HS3ST3A1: variants seen among roughly 807,000 people sequenced by gnomAD.
HS3ST3A1 encodes heparan sulfate-glucosamine 3-sulfotransferase 3A1, also known as heparan sulfate glucosamine 3-O-sulfotransferase 3A1.
Under a neutral mutation model 25.7 loss-of-function variants are expected in HS3ST3A1, and 19 were observed. That is an observed-to-expected ratio of 0.74 (90% CI 0.52 to 1.08). The LOEUF (loss-of-function observed/expected upper bound fraction) is 1.08. Among genes scored for constraint, HS3ST3A1 ranks in the 50% least tolerant of loss-of-function variants. HS3ST3A1 has a pLI of 0.00. For synonymous variants in HS3ST3A1, 226 were observed against 278.6 expected, an observed-to-expected ratio of 0.81 and a Z score of 1.88; for missense variants, 459 against 594.3, an observed-to-expected ratio of 0.77 and a Z score of 2.37.
chr17:13,590,551 T>C (rs750204062), intron 1 of HS3ST3A1, among the ~76,000 whole-genome samples: 4 of 152,200 alleles, frequency 2.6e-5, no homozygotes, highest in Non-Finnish European at 5.9e-5. Context: ...ACAATCTTTA[T>C]CTTTCAGATA....
rs1185799039 is a variant in HS3ST3A1, at chr17:13,496,426, C to T, written c.992G>A (p.Gly331Asp). The change falls in exon 2 of 2, where the codon GGC (glycine) becomes GAC (aspartate). Residue 331 changes from glycine (G) to aspartate (D), a missense_variant. Transcript: ENST00000284110. ...CTTGTCCGTGATGATCCTCTTGAGG[C>T]CCAGGAAGTCTTGCACGCGGCCCAG... ...GELGRVQDFL[G>D]LKRIITDKHF... The T allele has an allele frequency of 2.2e-6, 3 of 1,351,578 alleles. No individual in the cohort carries two copies. The highest frequency in any genetic ancestry group is 4.9e-5 in the East Asian group (2 of 41,212). The allele number at this position is 1,351,578 out of a possible 1,614,324, so 83.7% of individuals were successfully genotyped here.
chr17:13,574,355 G>A (rs1056510111), intron 1 of HS3ST3A1, among the ~76,000 whole-genome samples: 23 of 151,030 alleles, frequency 1.5e-4, no homozygotes, highest in Admixed American at 7.2e-4. Context: ...AGATGGTCTC[G>A]AACTCCTGAC....
chr17:13,496,021 C>T lies in HS3ST3A1; in HGVS notation c.*176G>A. On this transcript the variant is annotated 3_prime_UTR_variant, in exon 2 of 2. Transcript: ENST00000284110. ...GAAATTTTCCTTTTCTGTTGATCCA[C>T]GTGTTTGGTGTTGGTTATACATTAA... 12 of 730,736 alleles carry T rather than the reference C, an allele frequency of 1.6e-5. 1 individual carries two copies. Among genetic ancestry groups the T allele is most frequent in the Non-Finnish European group, 2.5e-5 (12 of 484,932 alleles). 45.3% of individuals were successfully genotyped at this position (730,736 alleles called of 1,614,324 possible).
intron 1 of HS3ST3A1, among the ~76,000 whole-genome samples, chr17:13,536,218 G>T (rs1906765864): frequency 6.6e-6 from 1 of 151,972 alleles, no homozygotes; most frequent in Non-Finnish European, 1.5e-5. Context: ...TTTTCAAAGA[G>T]ATAAACCTGA....
chr17:13,529,415 A>C (rs1026682351), intron 1 of HS3ST3A1, among the ~76,000 whole-genome samples: 1 of 152,208 alleles, frequency 6.6e-6, no homozygotes, highest in Admixed American at 6.5e-5. Flanking sequence ...AAGACCATCC[A>C]TCCTAAGGAA....
intron 1 of HS3ST3A1, among the ~76,000 whole-genome samples, chr17:13,504,337 T>G (rs2142297446): frequency 1.2e-5 from 1 of 86,368 alleles, no homozygotes; most frequent in Non-Finnish European, 2.5e-5. Context: ...ACAAAAAACC[T>G]GTGGGTGAAC....
chr17:13,527,100 C>G (rs1906455647), intron 1 of HS3ST3A1, among the ~76,000 whole-genome samples: 1 of 152,118 alleles, frequency 6.6e-6, no homozygotes, highest in African/African-American at 2.4e-5. Context: ...TTCCTCAAGC[C>G]CCAAGAGCTG....
chr17:13,582,588 A>G (rs1343841081), intron 1 of HS3ST3A1, among the ~76,000 whole-genome samples: 1 of 152,242 alleles, frequency 6.6e-6, no homozygotes, highest in Non-Finnish European at 1.5e-5. Flanking sequence ...TAATCTGTCC[A>G]CTGATGTGGT....
At chr17:13,578,037 C>G (rs1236672322) in intron 1 of HS3ST3A1, among the ~76,000 whole-genome samples, 1 of 152,088 alleles carries the variant, frequency 6.6e-6, no homozygotes, top group Non-Finnish European at 1.5e-5. Flanking sequence ...TATCACTTTA[C>G]TCAGCCATTT....
chr17:13,573,254 G>A (rs566075522), intron 1 of HS3ST3A1, among the ~76,000 whole-genome samples: 37 of 152,210 alleles, frequency 2.4e-4, no homozygotes, highest in African/African-American at 8.9e-4. Flanking sequence ...CCCACAGGAA[G>A]GCTTCTTCCA....
chr17:13,599,254 TG>T (rs1009983841), intron 1 of HS3ST3A1, among the ~76,000 whole-genome samples: 3 of 152,216 alleles, frequency 2.0e-5, no homozygotes, highest in Non-Finnish European at 4.4e-5. Context: ...TTCCAACAAA[TG>T]GAAAGTTACT....
intron 1 of HS3ST3A1, among the ~76,000 whole-genome samples, chr17:13,579,109 ATT>A (rs1226905366): frequency 1.3e-5 from 2 of 152,132 alleles, no homozygotes; most frequent in African/African-American, 4.8e-5. Context: ...TTTTAATGAA[ATT>A]TTTTGTCTTT....
chr17:13,571,790 C>T (rs925267937), intron 1 of HS3ST3A1, among the ~76,000 whole-genome samples: 5 of 152,170 alleles, frequency 3.3e-5, no homozygotes, highest in African/African-American at 4.8e-5. Flanking sequence ...GGTGGAGTCA[C>T]ACTCCGTTGC....
Position 13,600,995 on chromosome 17 carries a change from G to A in HS3ST3A1, c.135C>T (p.Arg45=), listed in dbSNP as rs756361157. The change falls in exon 1 of 2, where the codon CGC becomes CGT. Residue 45 remains arginine (R), a synonymous_variant. Transcript: ENST00000284110. ...CGACGGGGCCGGACAGGGTCTGGCA[G>A]CGCTCGGCCAGGCAGTAGAAGACGT... The part of the protein sequence containing the change: ...SLYVFYCLAE[R]CQTLSGPVVG... 2.2e-5 allele frequency: 35 copies of A among 1,574,734 alleles called. No individual in the cohort carries two copies. The East Asian group carries it at 5.9e-4, about 26-fold the overall frequency.
At position 13,496,771 on chromosome 17, in the gene HS3ST3A1, G is replaced by A. The variant is rs948840702; in HGVS notation, c.647C>T (p.Thr216Met). ...TLDGQITMEK[T>M]PSYFVTREAP... ...CTCCCGCGTGACGAAGTAACTGGGC[G>A]TCTTCTCCATGGTGATCTGCCCGTC... is the stretch of plus-strand genomic sequence containing the variant. Residue 216 changes from threonine (T) to methionine (M), a missense_variant, in exon 2 of 2, where the codon ACG becomes ATG. Thr to Met is a moderately conservative substitution (Grantham distance 81). Coordinates refer to ENST00000284110, the MANE Select transcript of HS3ST3A1 (RefSeq NM_006042.3). 3.1e-6 allele frequency: 5 copies of A among 1,613,912 alleles called. No individual in the cohort carries two copies. The highest frequency in any genetic ancestry group is 2.2e-5 in the East Asian group (1 of 44,888).
intron 1 of HS3ST3A1, among the ~76,000 whole-genome samples, chr17:13,595,526 T>C (rs1908549702): frequency 6.6e-6 from 1 of 152,168 alleles, no homozygotes; most frequent in African/African-American, 2.4e-5. Flanking sequence ...CCTTATAAAA[T>C]GCAAAGATGA....
chr17:13,599,754 T>C (rs1329688292), intron 1 of HS3ST3A1, among the ~76,000 whole-genome samples: 1 of 152,262 alleles, frequency 6.6e-6, no homozygotes, highest in African/African-American at 2.4e-5. Context: ...GGCAAAGTTG[T>C]GCCAATGTAT....
At chr17:13,579,701 CAAAAAAAAAAAA>C (rs543748713) in intron 1 of HS3ST3A1, among the ~76,000 whole-genome samples, 673 of 23,672 alleles carry the variant, frequency 0.028, 17 homozygotes, top group South Asian at 0.084. Context: ...ACTCCATCTC[CAAAAAAAAAAAA>C]AAAAAAAAAA....
rs1327712605 is a variant in HS3ST3A1, at chr17:13,496,800, G to A, written c.618C>T (p.Thr206=). 1 of 1,612,600 alleles carries A rather than the reference G, an allele frequency of 6.2e-7. No homozygotes were observed. The highest frequency in any genetic ancestry group is 1.7e-5 in the Admixed American group (1 of 59,870). Residue 206 remains threonine (T), a synonymous_variant, in exon 2 of 2, where the codon ACC becomes ACT. Transcript: ENST00000284110. ...TCTCCATGGTGATCTGCCCGTCCAG[G>A]GTTCTGGGCATCAGGTCCCTGAGAA... is the stretch of plus-strand genomic sequence containing the variant. ...LAWYRDLMPR[T]LDGQITMEKT...
Sources: allele counts gnomAD v4.1 joint callset (sites outside exome capture counted in the v4.1 genomes callset), GRCh38; gene constraint gnomAD v4.1.1; transcripts MANE v1.5; gene names NCBI Gene and HGNC (gene_info 2026-07-23, HGNC 2026-07-21).